Variants in FRYL observed in about 807,000 individuals in gnomAD.
FRYL encodes FRY like transcription coactivator.
Under a neutral mutation model 351.2 loss-of-function variants are expected in FRYL, and 150 were observed. The observed-to-expected ratio is 0.43, with a 90% confidence interval of 0.37 to 0.49. The LOEUF (loss-of-function observed/expected upper bound fraction) is 0.49, where lower values mean the gene tolerates loss of function less well. Ranked by LOEUF, FRYL falls within the 20% of genes least tolerant of loss-of-function variation. The pLI is 0.00. For missense variants in FRYL, 3,036 were observed against 3,619.3 expected (o/e 0.84, Z 4.13); for synonymous variants, 1,153 against 1,257.1 (o/e 0.92, Z 1.75).
chr4:48,724,472 C>T (rs1353414923), intron 1 of FRYL, among the ~76,000 whole-genome samples: 2 of 152,132 alleles, frequency 1.3e-5, no homozygotes, highest in Non-Finnish European at 2.9e-5. Flanking sequence ...ATAACGGACA[C>T]CATCACTCTC....
chr4:48,751,569 A>G (rs1773253333), intron 1 of FRYL, among the ~76,000 whole-genome samples: 1 of 152,206 alleles, frequency 6.6e-6, no homozygotes, highest in African/African-American at 2.4e-5. Flanking sequence ...AAATAATCCA[A>G]GAGTAAAATG....
At chr4:48,675,395 G>A (rs1273570840) in intron 3 of FRYL, among the ~76,000 whole-genome samples, 6 of 152,234 alleles carry the variant, frequency 3.9e-5, no homozygotes, top group Admixed American at 3.9e-4. Flanking sequence ...GCCAGCTGGA[G>A]TTCCGGGTGG....
chr4:48,540,870 A>G lies in FRYL; in HGVS notation c.5778T>C (p.Asn1926=), dbSNP rs780584725. 6.2e-7 allele frequency: 1 copy of G among 1,613,908 alleles called. No homozygotes were observed. ...TGTTATATCCCAAATAACTGCTACT[A>G]TTAATGGGACTTGTGCTTAGATTGA... The part of the protein sequence containing the change: ...GQLNLSTSPI[N]SSSYLGYNSN... The change falls in exon 46 of 64, where the codon AAT becomes AAC. Residue 1926 remains asparagine, a synonymous_variant. Coordinates refer to ENST00000358350, the MANE Select transcript of FRYL (RefSeq NM_015030.2).
At chr4:48,596,803 A>G (rs187214440) in intron 13 of FRYL, among the ~76,000 whole-genome samples, 110 of 152,282 alleles carry the variant, frequency 7.2e-4, no homozygotes, top group African/African-American at 2.6e-3. Flanking sequence ...AGCTGTTATA[A>G]AAAATAAAGT....
chr4:48,608,884 T>C, intron 9 of FRYL, 103 bp downstream of exon 9: 5 of 759,398 alleles, frequency 6.6e-6, no homozygotes, highest in South Asian at 1.5e-5. Flanking sequence ...CTTAGTGCTA[T>C]GGAAAATGGT....
In FRYL at chr4:48,565,585, G is replaced by T; in HGVS notation, c.3276C>A (p.Asp1092Glu). 6.2e-7 allele frequency: 1 copy of T among 1,613,770 alleles called. No individual in the cohort carries two copies. Among genetic ancestry groups the T allele is most frequent in the Non-Finnish European group, 8.5e-7 (1 of 1,179,816 alleles). The part of the protein sequence containing the change: ...GPFSIMFTPL[D>E]RYSDRNMQIN... ...TTTGCATATTTCTATCACTGTATCT[G>T]TCCAAGGGCGTAAACATGATGCTAA... The change falls in exon 29 of 64, where the codon GAC becomes GAA. Residue 1092 changes from aspartate (D) to glutamate (E), a missense_variant. Coordinates refer to ENST00000358350, the MANE Select transcript of FRYL (RefSeq NM_015030.2).
At position 48,736,157 on chromosome 4, in the gene FRYL, T is replaced by C. The variant is rs566267571; in HGVS notation, c.-383-25459A>G. 2.3e-4 allele frequency among the ~76,000 whole-genome samples: 35 copies of C among 152,170 alleles called. 1 individual carries two copies. The South Asian group carries it at 3.5e-3, about 15-fold the overall frequency. ...ATAAATCTCAAGAGAATTTTTTAAA[T>C]ATTTTAACCACAATGAAAATGAAAA... On this transcript the variant is annotated intron_variant, in intron 1 of 63. Transcript: ENST00000358350.
chr4:48,742,900 G>A (rs1772257286), intron 1 of FRYL, among the ~76,000 whole-genome samples: 3 of 150,582 alleles, frequency 2.0e-5, no homozygotes, highest in African/African-American at 4.9e-5. Flanking sequence ...TCCACTTCCT[G>A]GGGTCAAGTG....
intron 2 of FRYL, among the ~76,000 whole-genome samples, chr4:48,690,363 C>T (rs956225496): frequency 2.0e-5 from 3 of 152,080 alleles, no homozygotes; most frequent in Non-Finnish European, 4.4e-5. Flanking sequence ...CCATTATCAA[C>T]ATGGTTTTCC....
Position 48,557,840 on chromosome 4 carries a change from T to C in FRYL, c.3866-128A>G, listed in dbSNP as rs548330138. 60 of 1,034,052 alleles carry C rather than the reference T, an allele frequency of 5.8e-5. No homozygotes were observed. In the South Asian group the frequency reaches 7.1e-4, roughly 12 times the overall value. 64.1% of individuals were successfully genotyped at this position (1,034,052 alleles called of 1,614,324 possible). A position where few individuals can be genotyped will look rare whatever the true frequency, so the allele number is the denominator to read the frequency against. On this transcript the variant is annotated intron_variant, in intron 33 of 63. Transcript: ENST00000358350. ...TCATTACACTTAACAATTATGAGTA[T>C]TGTTTTTCCTTTTAGCAAATTTCAC... is the stretch of plus-strand genomic sequence containing the variant.
chr4:48,534,508 AT>A (rs1728453398), intron 49 of FRYL, 36 bp downstream of exon 49: 1 of 1,491,298 alleles, frequency 6.7e-7, no homozygotes, highest in Admixed American at 1.8e-5. Context: ...TCATTTTTAG[AT>A]GAAAAATGTT....
intron 4 of FRYL, among the ~76,000 whole-genome samples, chr4:48,623,632 G>A (rs1560736694): frequency 6.6e-6 from 1 of 152,062 alleles, no homozygotes; most frequent in East Asian, 1.9e-4. Context: ...TGACTACCAC[G>A]AAGTGAATGA....
rs1177448964 is a variant in FRYL at position 48,713,330 on chromosome 4, T to C, written c.-383-2632A>G. Among the ~76,000 whole-genome samples the C allele has an allele frequency of 3.3e-5, 5 of 152,106 alleles. No homozygotes were observed. In the South Asian group the frequency reaches 1.0e-3, roughly 32 times the overall value. On this transcript the variant is annotated intron_variant, in intron 1 of 63. Coordinates refer to ENST00000358350, the MANE Select transcript of FRYL (RefSeq NM_015030.2). ...AATTAAAAGACACTGACTGGCAAAT[T>C]GCATAAAGAGTCACGACCCATCAGT... is the stretch of plus-strand genomic sequence containing the variant.
chr4:48,575,084 T>C (rs1165306337), intron 25 of FRYL, 33 bp downstream of exon 25: 1 of 1,608,924 alleles, frequency 6.2e-7, no homozygotes, highest in Non-Finnish European at 8.5e-7. Context: ...TTTATTCTTT[T>C]AGGACATAGA....
intron 3 of FRYL, among the ~76,000 whole-genome samples, chr4:48,667,080 T>C (rs904100508): frequency 6.6e-6 from 1 of 152,238 alleles, no homozygotes; most frequent in African/African-American, 2.4e-5. Context: ...TGGTCTAGGT[T>C]ACCTTTACAG....
At position 48,547,721 on chromosome 4, in the gene FRYL, A is replaced by C; in HGVS notation, c.4937T>G (p.Leu1646Arg). ...PEVYEHCKRL[L>R]LHLLIVMGPN... ...TCCCATTACTATTAATAAGTGCAGA[A>C]GCAGGCGTTTACAATGTTCATACAC... is the stretch of plus-strand genomic sequence containing the variant. The change falls in exon 41 of 64, where the codon CTT (leucine) becomes CGT (arginine). Residue 1646 changes from leucine (L) to arginine (R), a missense_variant. Leu to Arg is a moderately radical substitution (Grantham distance 102). Around this residue, in one of 7 missense-constraint regions of FRYL, gnomAD observed 1,987 missense variants for 2,311.7 expected, o/e 0.86. Transcript: ENST00000358350. The C allele has an allele frequency of 2.5e-6, 4 of 1,585,298 alleles. No individual in the cohort carries two copies. Among genetic ancestry groups the C allele is most frequent in the Non-Finnish European group, 3.4e-6 (4 of 1,160,910 alleles).
At chr4:48,734,366 A>G (rs904955568) in intron 1 of FRYL, among the ~76,000 whole-genome samples, 4 of 152,210 alleles carry the variant, frequency 2.6e-5, no homozygotes, top group African/African-American at 9.6e-5. Context: ...ACATAACAAT[A>G]CTAAATGTGT....
chr4:48,761,013 G>C (rs1454405918), intron 1 of FRYL, among the ~76,000 whole-genome samples: 1 of 144,134 alleles, frequency 6.9e-6, no homozygotes, highest in Non-Finnish European at 1.5e-5. Context: ...CTGTCTGTGT[G>C]TGTGTGTGTG....
At chr4:48,636,792 CTG>C (rs1754317831) in intron 3 of FRYL, 1 of 151,974 alleles carries the variant, frequency 6.6e-6, no homozygotes, top group Admixed American at 6.6e-5. Context: ...TGTTTAATAA[CTG>C]TTAGTTGAAA....
Sources: allele counts gnomAD v4.1 joint callset (sites outside exome capture counted in the v4.1 genomes callset), GRCh38; gene constraint gnomAD v4.1.1; regional missense constraint gnomAD v4.1.1; transcripts MANE v1.5; gene names NCBI Gene and HGNC (gene_info 2026-07-23, HGNC 2026-07-21).